ABCA8: variants seen among roughly 807,000 people sequenced by gnomAD.
ABCA8 encodes the protein ATP binding cassette subfamily A member 8.
Under a neutral mutation model 192.3 loss-of-function variants are expected in ABCA8, and 177 were observed. The observed-to-expected ratio is 0.92, with a 90% CI of 0.81 to 1.04. The LOEUF (loss-of-function observed/expected upper bound fraction) is 1.04, where lower values mean the gene tolerates loss of function less well. Ranked by LOEUF, ABCA8 falls within the 50% of genes least tolerant of loss-of-function variation. ABCA8 has a pLI of 0.00. For synonymous variants in ABCA8, 642 were observed against 690.2 expected, an observed-to-expected ratio of 0.93 and a Z score of 1.09; for missense variants, 1,915 against 1,904.8, an observed-to-expected ratio of 1.01 and a Z score of -0.10.
At chr17:68,884,024 G>T (rs1456107704) in intron 28 of ABCA8, 142 bp from the exon 29 acceptor site, 6 of 633,668 alleles carry the variant, frequency 9.5e-6, no homozygotes, top group Non-Finnish European at 1.3e-5. Context: ...CCAGCAAATT[G>T]TGAAACTATC....
chr17:68,868,190 G>A lies in ABCA8; in HGVS notation c.4768-7C>T, dbSNP rs762943455. ...TGGAGAGCTCCAGGAAAACCTGAAAGGGAGGAAGGAAATAAAGAGAGGAGA... is the reference window on the plus strand; with the variant it reads ...TGGAGAGCTCCAGGAAAACCTGAAAAGGAGGAAGGAAATAAAGAGAGGAGA... On this transcript the variant is annotated splice_region_variant and splice_polypyrimidine_tract_variant and intron_variant, in intron 39 of 39. Transcript: ENST00000586539. The A allele has an allele frequency of 4.4e-5, 71 of 1,612,168 alleles. No individual in the cohort carries two copies. Among genetic ancestry groups the A allele is most frequent in the Middle Eastern group, 1.6e-4 (1 of 6,066 alleles).
chr17:68,943,754 G>A (rs548886578), intron 2 of ABCA8, among the ~76,000 whole-genome samples: 2 of 152,234 alleles, frequency 1.3e-5, no homozygotes, highest in African/African-American at 4.8e-5. Context: ...CAGCTGAAAT[G>A]TTAAATTTTT....
Position 68,911,790 on chromosome 17 carries a change from G to A in ABCA8, c.2139-3911C>T, listed in dbSNP as rs2067233104. Among the ~76,000 whole-genome samples, 1 of 150,610 alleles carries A rather than the reference G, an allele frequency of 6.6e-6. No individual in the cohort carries two copies. The highest frequency in any genetic ancestry group is 2.4e-5 in the African/African-American group (1 of 40,858). ...ACACACTCCATTTGGAGAAAGATAAGGGAAGGGAACAAGCATCTCTGCCTG... is the reference window on the plus strand; with the variant it reads ...ACACACTCCATTTGGAGAAAGATAAAGGAAGGGAACAAGCATCTCTGCCTG... On this transcript the variant is annotated intron_variant, in intron 17 of 39. Coordinates refer to ENST00000586539, the MANE Select transcript of ABCA8 (RefSeq NM_001288985.2). This position sits in a 1 kb window ranked among gnomAD's most constrained non-coding sequence, Gnocchi z 5.7.
chr17:68,912,933 T>C (rs1328402118), intron 17 of ABCA8, among the ~76,000 whole-genome samples: 2 of 152,156 alleles, frequency 1.3e-5, no homozygotes, highest in Non-Finnish European at 2.9e-5. Context: ...TTTTATGCAA[T>C]GGCTGCAGAA....
chr17:68,895,031 A>G lies in ABCA8; in HGVS notation c.2765-18T>C. ...GCTTGCCCCTAAGGTGTAGTTAAAG[A>G]TATTAGGTATCACAAAACTAAAAAC... On this transcript the variant is annotated intron_variant, in intron 21 of 39. Transcript: ENST00000586539. The G allele has an allele frequency of 1.9e-6, 3 of 1,563,958 alleles. No individual in the cohort carries two copies. The highest frequency in any genetic ancestry group is 2.6e-6 in the Non-Finnish European group (3 of 1,157,842).
rs761791025 is a variant in ABCA8, at chr17:68,927,913, C to T, written c.1273+3G>A. On this transcript the variant is annotated splice_donor_region_variant and intron_variant, in intron 10 of 39. Coordinates refer to ENST00000586539, the MANE Select transcript of ABCA8 (RefSeq NM_001288985.2). ...ATATGATTTTAATCATATCATTACTCACTTGGCAAAATTTTTTCAAAGTAA... is the reference window on the plus strand; with the variant it reads ...ATATGATTTTAATCATATCATTACTTACTTGGCAAAATTTTTTCAAAGTAA... The T allele has an allele frequency of 2.5e-6, 4 of 1,591,628 alleles. No homozygotes were observed. The South Asian group carries it at 3.5e-5, about 14-fold the overall frequency.
chr17:68,907,095 G>A (rs4147994), intron 18 of ABCA8, among the ~76,000 whole-genome samples: 32,969 of 151,778 alleles, frequency 0.22, 4,272 homozygotes, highest in Middle Eastern at 0.32. Context: ...CACCTAAAAC[G>A]TCTACAAATT....
At chr17:68,888,483 A>C (rs1012102325) in intron 24 of ABCA8, among the ~76,000 whole-genome samples, 2 of 152,190 alleles carry the variant, frequency 1.3e-5, no homozygotes, top group Non-Finnish European at 2.9e-5. Flanking sequence ...AGAGCCTCAC[A>C]ACATCAGACA....
At chr17:68,896,357 A>G (rs2066758002) in intron 21 of ABCA8, among the ~76,000 whole-genome samples, 1 of 152,160 alleles carries the variant, frequency 6.6e-6, no homozygotes, top group Non-Finnish European at 1.5e-5. Flanking sequence ...TACAAACAAG[A>G]CCATATTTAT....
rs760545372 is a variant in ABCA8, at chr17:68,930,085, C to A, written c.798-383G>T. ...ACCTTGGGCAACCTCTGTAACCCCT[C>A]TATTATTCCTTTATTTCTCTGGACA... is the stretch of plus-strand genomic sequence containing the variant. On this transcript the variant is annotated intron_variant, in intron 7 of 39. Transcript: ENST00000586539. Among the ~76,000 whole-genome samples, 56 of 152,202 alleles carry A rather than the reference C, an allele frequency of 3.7e-4. No homozygotes were observed. In the Middle Eastern group the frequency reaches 0.017, roughly 46 times the overall value.
intron 2 of ABCA8, among the ~76,000 whole-genome samples, chr17:68,945,073 G>C (rs1011031159): frequency 1.3e-5 from 2 of 152,164 alleles, no homozygotes; most frequent in African/African-American, 4.8e-5. Context: ...TCTATGGATG[G>C]GGGAAGGGTA....
intron 23 of ABCA8, among the ~76,000 whole-genome samples, chr17:68,892,753 A>C (rs2143395679): frequency 6.6e-6 from 1 of 152,340 alleles, no homozygotes; most frequent in Non-Finnish European, 1.5e-5. Flanking sequence ...TTAATGATTA[A>C]GTTTCTCGCA....
At chr17:68,877,469 C>A in intron 33 of ABCA8, 50 bp downstream of exon 33, 1 of 1,509,208 alleles carries the variant, frequency 6.6e-7, no homozygotes, top group Non-Finnish European at 8.9e-7. Flanking sequence ...CACTCTCAAC[C>A]TCCTCCACCC....
chr17:68,874,363 A>T (rs1022312273), intron 37 of ABCA8, among the ~76,000 whole-genome samples: 1 of 152,228 alleles, frequency 6.6e-6, no homozygotes, highest in Non-Finnish European at 1.5e-5. Context: ...CTCTGGTTAG[A>T]AGAGCAGAAA....
Position 68,911,989 on chromosome 17 carries a change from A to G in ABCA8, c.2139-4110T>C, listed in dbSNP as rs923627469. ...TACTTGGAAAGCCTTCCCAAGAAGG[A>G]TGGGTACAAACAAGCCCAGACTGTG... On this transcript the variant is annotated intron_variant, in intron 17 of 39. Coordinates refer to ENST00000586539, the MANE Select transcript of ABCA8 (RefSeq NM_001288985.2). This position sits in a 1 kb window ranked among gnomAD's most constrained non-coding sequence, Gnocchi z 5.7. Among the ~76,000 whole-genome samples the G allele has an allele frequency of 6.6e-6, 1 of 152,132 alleles. No homozygotes were observed. Among genetic ancestry groups the G allele is most frequent in the African/African-American group, 2.4e-5 (1 of 41,414 alleles).
intron 18 of ABCA8, among the ~76,000 whole-genome samples, chr17:68,906,811 A>G (rs1371000967): frequency 6.6e-6 from 1 of 152,170 alleles, no homozygotes; most frequent in African/African-American, 2.4e-5. Flanking sequence ...TTCGTTCACC[A>G]AAATATACTT....
intron 37 of ABCA8, among the ~76,000 whole-genome samples, chr17:68,872,956 A>G (rs1424747414): frequency 6.6e-6 from 1 of 152,228 alleles, no homozygotes; most frequent in African/African-American, 2.4e-5. Context: ...AGAAGTTTAT[A>G]AAGTTACAGA....
In ABCA8 at chr17:68,891,548, G is replaced by C; in HGVS notation, c.3085C>G (p.Leu1029Val). 6.2e-7 allele frequency: 1 copy of C among 1,613,160 alleles called. No homozygotes were observed. Among genetic ancestry groups the C allele is most frequent in the Non-Finnish European group, 8.5e-7 (1 of 1,179,778 alleles). ...GGTGGGCAACTCGATGTTAAAACCA[G>C]CCAGAACATGATATATGCCAGGAAT... ...IGFLAYIMFW[L>V]VLTSSCPPYI... The change falls in exon 24 of 40, where the codon CTG (leucine) becomes GTG (valine). Residue 1029 changes from leucine to valine, a missense_variant. Coordinates refer to ENST00000586539, the MANE Select transcript of ABCA8 (RefSeq NM_001288985.2).
At chr17:68,893,935 G>A (rs1181092294) in intron 23 of ABCA8, 2 of 281,162 alleles carry the variant, frequency 7.1e-6, no homozygotes, top group South Asian at 3.1e-5. Context: ...CCTTTCCTGT[G>A]TCCATGTGAT....
Sources: gnomAD v4.1 joint callset for allele counts (sites outside exome capture counted in the v4.1 genomes callset) on GRCh38, gnomAD v4.1.1 for gene constraint, Gnocchi (gnomAD v3.1) non-coding constraint, MANE v1.5 for transcripts, NCBI Gene and HGNC (gene_info 2026-07-23, HGNC 2026-07-21) for gene names.